TIAM1: variants seen among roughly 807,000 people sequenced by gnomAD.
The protein encoded by TIAM1 is rho guanine nucleotide exchange factor TIAM1.
In TIAM1, 65 loss-of-function variants were observed where a neutral mutation model predicts 163.5. The ratio of observed to expected loss-of-function variants is 0.40; its 90% CI spans 0.33 to 0.49. The LOEUF is 0.49. Ranked by LOEUF, TIAM1 falls within the 20% of genes least tolerant of loss-of-function variation. The pLI, the probability that TIAM1 is intolerant of heterozygous loss-of-function variation, is 0.77. For synonymous variants in TIAM1, 833 were observed against 810.1 expected, an observed-to-expected ratio of 1.03 and a Z score of -0.48; for missense variants, 1,789 against 2,044.7, an observed-to-expected ratio of 0.87 and a Z score of 2.41.
intron 2 of TIAM1, among the ~76,000 whole-genome samples, chr21:31,394,726 TCTCA>T (rs1420025991): frequency 7.8e-4 from 64 of 81,658 alleles, no homozygotes; most frequent in South Asian, 9.7e-4. Context: ...TCTCTCTCTC[TCTCA>T]CACACACACA....
At chr21:31,359,829 G>A (rs1193948283) in intron 2 of TIAM1, among the ~76,000 whole-genome samples, 1 of 131,870 alleles carries the variant, frequency 7.6e-6, no homozygotes, top group Non-Finnish European at 1.6e-5. Flanking sequence ...AGGAAGGAAG[G>A]AAGGAAGGAA....
At position 31,376,751 on chromosome 21, in the gene TIAM1, T is replaced by A. The variant is rs148492463; in HGVS notation, c.-368-37329A>T. 3.9e-5 allele frequency among the ~76,000 whole-genome samples: 6 copies of A among 152,138 alleles called. No homozygotes were observed. In the East Asian group the frequency reaches 1.2e-3, roughly 29 times the overall value. On this transcript the variant is annotated intron_variant, in intron 2 of 28. Coordinates refer to the TIAM1 transcript ENST00000286827. ...TTTAAAGTGCAGAGGAAATCTAGAA[T>A]GCCTTCTGTAATATCCTGGATGAAT...
At position 31,231,873 on chromosome 21, in the gene TIAM1, C is replaced by A. The variant is rs189371016; in HGVS notation, c.1585-5923G>T. On this transcript the variant is annotated intron_variant, in intron 6 of 27. Transcript: ENST00000541036. ...ACTAACAATACAAAAATTAGCTGGG[C>A]ATGGTGGCACATGCCTGTAGTCCTA... Among the ~76,000 whole-genome samples, 55 of 152,114 alleles carry A rather than the reference C, an allele frequency of 3.6e-4. 1 individual carries two copies. The East Asian group carries it at 5.4e-3, about 15-fold the overall frequency.
In TIAM1 at chr21:31,146,948, A is replaced by G. The variant is rs1267465773; in HGVS notation, c.3422T>C (p.Leu1141Pro). Residue 1141 changes from leucine (L) to proline (P), a missense_variant, in exon 20 of 28, where the codon CTC (leucine) becomes CCC (proline). By Grantham distance (98) the Leu-to-Pro change is moderately conservative (BLOSUM62 -3). Around this residue, in one of 5 missense-constraint regions of TIAM1, gnomAD observed 303 missense variants for 321.3 expected, o/e 0.94. Coordinates refer to ENST00000541036, the MANE Select transcript of TIAM1 (RefSeq NM_001353694.2). Reference sequence around the variant, plus strand: ...GTGGCTGGCGCAGAAGGCACTGTAGAGCTTGAAGCGGTCAGCATAATACAG... The same window carrying G: ...GTGGCTGGCGCAGAAGGCACTGTAGGGCTTGAAGCGGTCAGCATAATACAG... ...SFLYYADRFKLYSAFCASHTK... is the reference protein window; with the variant it reads ...SFLYYADRFKPYSAFCASHTK... 1 of 1,614,140 alleles carries G rather than the reference A, an allele frequency of 6.2e-7. No homozygotes were observed.
intron 2 of TIAM1, among the ~76,000 whole-genome samples, chr21:31,329,865 T>A (rs1374161044): frequency 6.6e-6 from 1 of 152,236 alleles, no homozygotes; most frequent in Non-Finnish European, 1.5e-5. Flanking sequence ...TGAATGTTGT[T>A]GCTGTTTCAT....
At chr21:31,265,318 G>A (rs2072698093) in intron 4 of TIAM1, among the ~76,000 whole-genome samples, 1 of 149,220 alleles carries the variant, frequency 6.7e-6, no homozygotes, top group Non-Finnish European at 1.5e-5. Context: ...CAGGCAAGCT[G>A]AGCATCTTTA....
chr21:31,553,361 T>A (rs1025509770), intron 1 of TIAM1, among the ~76,000 whole-genome samples: 1 of 152,106 alleles, frequency 6.6e-6, no homozygotes, highest in Admixed American at 6.6e-5. Flanking sequence ...TGTGAGGAGA[T>A]GGAGATGCAC....
rs539653167 is a variant in TIAM1, at chr21:31,170,441, A to G, written c.2888-5376T>C. Among the ~76,000 whole-genome samples the G allele has an allele frequency of 9.8e-5, 15 of 152,382 alleles. No homozygotes were observed. In the South Asian group the frequency reaches 2.7e-3, roughly 27 times the overall value. On this transcript the variant is annotated intron_variant, in intron 15 of 27. Coordinates refer to ENST00000541036, the MANE Select transcript of TIAM1 (RefSeq NM_001353694.2). ...TTTCAAGCAATACCAAAGAATCTGT[A>G]TGGATGCAGACCACACTGGCAACAT...
intron 1 of TIAM1, among the ~76,000 whole-genome samples, chr21:31,540,462 G>C (rs2048286617): frequency 1.3e-5 from 2 of 152,212 alleles, no homozygotes; most frequent in Non-Finnish European, 2.9e-5. Context: ...CAAGTGGCCG[G>C]AAGAGGTGGC....
chr21:31,435,767 A>C (rs1334506599), intron 2 of TIAM1, among the ~76,000 whole-genome samples: 31 of 152,330 alleles, frequency 2.0e-4, no homozygotes, highest in African/African-American at 7.0e-4. Context: ...TTAAGAGGTA[A>C]CTAGGTCAAG....
At chr21:31,466,364 T>C (rs886756811) in intron 1 of TIAM1, among the ~76,000 whole-genome samples, 1 of 151,982 alleles carries the variant, frequency 6.6e-6, no homozygotes, top group Non-Finnish European at 1.5e-5. Context: ...ACAACAAGGA[T>C]AGGGACAAGG....
intron 15 of TIAM1, among the ~76,000 whole-genome samples, chr21:31,170,647 C>T (rs2084456483): frequency 6.6e-6 from 1 of 152,164 alleles, no homozygotes. Context: ...GAAACAGAGC[C>T]TCCATCCCAT....
intron 2 of TIAM1, among the ~76,000 whole-genome samples, chr21:31,290,506 G>C (rs1190325803): frequency 6.6e-6 from 1 of 151,760 alleles, no homozygotes; most frequent in Non-Finnish European, 1.5e-5. Context: ...AATTATCCAG[G>C]AATGACGGCG....
intron 2 of TIAM1, among the ~76,000 whole-genome samples, chr21:31,353,642 C>T (rs1358483641): frequency 1.3e-5 from 2 of 151,864 alleles, no homozygotes; most frequent in African/African-American, 2.4e-5. Context: ...AACTGAGGCA[C>T]GGAGAGGTTA....
chr21:31,408,649 A>T (rs950432543), intron 2 of TIAM1, among the ~76,000 whole-genome samples: 2 of 152,208 alleles, frequency 1.3e-5, no homozygotes, highest in African/African-American at 4.8e-5. Context: ...ACTCTCATCA[A>T]CGTGAATGGG....
Position 31,266,746 on chromosome 21 carries a change from A to C in TIAM1, c.227T>G (p.Phe76Cys). The C allele has an allele frequency of 6.2e-7, 1 of 1,614,144 alleles. No individual in the cohort carries two copies. Among genetic ancestry groups the C allele is most frequent in the Non-Finnish European group, 8.5e-7 (1 of 1,180,032 alleles). ...QSLAENGLEP[F>C]SQDGTLEDFG... ...GTCTTCTAGGGTACCATCTTGGGAG[A>C]AGGGCTCCAGGCCATTTTCAGCCAG... is the stretch of plus-strand genomic sequence containing the variant. Residue 76 changes from phenylalanine to cysteine, a missense_variant, in exon 4 of 28, where the codon TTC becomes TGC. Transcript: ENST00000541036.
chr21:31,350,932 C>T lies in TIAM1; in HGVS notation c.-368-11510G>A, dbSNP rs2076223797. 2.0e-5 allele frequency among the ~76,000 whole-genome samples: 3 copies of T among 152,296 alleles called. No individual in the cohort carries two copies. In the South Asian group the frequency reaches 6.2e-4, roughly 32 times the overall value. On this transcript the variant is annotated intron_variant, in intron 2 of 28. Coordinates refer to the TIAM1 transcript ENST00000286827. ...ACACCTTACAGAGTTTTGTACTAAC[C>T]ACAGGCACAAAATCAATTAAAATTA...
chr21:31,409,968 G>A (rs982895532), intron 2 of TIAM1, among the ~76,000 whole-genome samples: 3 of 152,174 alleles, frequency 2.0e-5, no homozygotes, highest in Middle Eastern at 3.4e-3. Flanking sequence ...GAGAAAAAAG[G>A]AGATCCAAGT....
At chr21:31,227,849 A>C (rs2088078195) in intron 6 of TIAM1, among the ~76,000 whole-genome samples, 1 of 152,110 alleles carries the variant, frequency 6.6e-6, no homozygotes. Context: ...ACAAAGCTTG[A>C]TCATTGGATC....
Sources: gnomAD v4.1 joint callset for allele counts (sites outside exome capture counted in the v4.1 genomes callset) on GRCh38, gnomAD v4.1.1 for gene constraint, gnomAD v4.1.1 regional missense constraint, MANE v1.5 for transcripts, NCBI Gene and HGNC (gene_info 2026-07-23, HGNC 2026-07-21) for gene names.